Variants in DLGAP2 observed in about 807,000 individuals in gnomAD.
DLGAP2 encodes the protein DLG associated protein 2.
DLGAP2 carries 26 observed loss-of-function variants against 100.3 expected under a neutral mutation model. That is an observed-to-expected ratio of 0.26 (90% CI 0.19 to 0.36). The LOEUF (loss-of-function observed/expected upper bound fraction) is 0.36. DLGAP2 is among the 10% of genes least tolerant of loss of function. The probability of loss-of-function intolerance (pLI) is 1.00; values close to 1 mark genes in which losing one functional copy is unlikely to be tolerated. For missense variants in DLGAP2, 1,858 were observed against 1,453.2 expected (o/e 1.28, Z -4.53); for synonymous variants, 886 against 630.1 (o/e 1.41, Z -6.08).
At chr8:1,194,125 A>T (rs1392087255) in intron 2 of DLGAP2, among the ~76,000 whole-genome samples, 1 of 152,054 alleles carries the variant, frequency 6.6e-6, no homozygotes, top group African/African-American at 2.4e-5. Flanking sequence ...AAAATTAGAT[A>T]AAGTGAGTAA....
Position 1,615,970 on chromosome 8 carries a change from T to A in DLGAP2, c.1443-10770T>A, listed in dbSNP as rs115918490. Among the ~76,000 whole-genome samples the A allele has an allele frequency of 3.2e-3, 492 of 152,326 alleles. 4 individuals are homozygous for A. Among genetic ancestry groups the A allele is most frequent in the African/African-American group, 0.011 (439 of 41,566 alleles). On this transcript the variant is annotated intron_variant, in intron 6 of 14. Transcript: ENST00000637795. ...TTAAAGCAGCCGTTGTAAGGTCTTATGAATGATATAAAAATGTCTGTTACA... is the reference window on the plus strand; with the variant it reads ...TTAAAGCAGCCGTTGTAAGGTCTTAAGAATGATATAAAAATGTCTGTTACA...
intron 2 of DLGAP2, among the ~76,000 whole-genome samples, chr8:1,188,707 A>G (rs957490686): frequency 6.6e-6 from 1 of 152,248 alleles, no homozygotes; most frequent in African/African-American, 2.4e-5. Flanking sequence ...CTTTTTGGCA[A>G]GCAGATGAAC....
At chr8:1,489,458 A>T (rs1799315817) in intron 3 of DLGAP2, among the ~76,000 whole-genome samples, 1 of 152,216 alleles carries the variant, frequency 6.6e-6, no homozygotes, top group Non-Finnish European at 1.5e-5. Flanking sequence ...TAGAGGAAGA[A>T]GGAAGGAAGC....
chr8:1,585,013 A>T (rs1306376556), intron 6 of DLGAP2, among the ~76,000 whole-genome samples: 1 of 141,556 alleles, frequency 7.1e-6, no homozygotes, highest in Admixed American at 7.0e-5. Flanking sequence ...AAAAACTTCC[A>T]TTTTTAAATT....
At chr8:1,086,372 T>C (rs967188214) in intron 2 of DLGAP2, among the ~76,000 whole-genome samples, 1 of 152,188 alleles carries the variant, frequency 6.6e-6, no homozygotes, top group Non-Finnish European at 1.5e-5. Flanking sequence ...CTTTTCTACA[T>C]TGAGAGTATG....
chr8:785,051 C>A lies in DLGAP2; in HGVS notation c.18+47226C>A, dbSNP rs534006248. 2.6e-5 allele frequency among the ~76,000 whole-genome samples: 4 copies of A among 151,628 alleles called. No individual in the cohort carries two copies. In the East Asian group the frequency reaches 7.8e-4, roughly 30 times the overall value. On this transcript the variant is annotated intron_variant, in intron 1 of 14. Transcript: ENST00000637795. ...TGAAACCCCCTCTCTACTAAAAATA[C>A]AAAACAATACAAAACATTAGCCGGG...
chr8:1,636,523 G>T (rs999359204), intron 8 of DLGAP2, among the ~76,000 whole-genome samples: 17 of 152,128 alleles, frequency 1.1e-4, no homozygotes, highest in Non-Finnish European at 1.9e-4. Flanking sequence ...TATGATTTTT[G>T]TTGCTTTTTT....
Position 1,263,303 on chromosome 8 carries a change from G to T in DLGAP2, c.106+4420G>T, listed in dbSNP as rs7823268. Among the ~76,000 whole-genome samples the T allele has an allele frequency of 1.5e-3, 232 of 152,024 alleles. 1 individual carries two copies. The highest frequency in any genetic ancestry group is 2.8e-3 in the Non-Finnish European group (188 of 67,996). Reference sequence around the variant, plus strand: ...GTCTTAAAAAAACTAAGTAGTTTAAGGTAAGAGATTTTCTTTCTAAATCTG... The same window carrying T: ...GTCTTAAAAAAACTAAGTAGTTTAATGTAAGAGATTTTCTTTCTAAATCTG... On this transcript the variant is annotated intron_variant, in intron 3 of 14. Coordinates refer to ENST00000637795, the MANE Select transcript of DLGAP2 (RefSeq NM_001346810.2).
chr8:1,694,293 G>A (rs990325086), intron 13 of DLGAP2, among the ~76,000 whole-genome samples: 9 of 152,128 alleles, frequency 5.9e-5, no homozygotes, highest in African/African-American at 9.7e-5. Flanking sequence ...GAGATGCTTC[G>A]CTCATCAAAG....
chr8:982,727 A>G (rs542285134), intron 2 of DLGAP2, among the ~76,000 whole-genome samples: 22 of 152,264 alleles, frequency 1.4e-4, no homozygotes, highest in African/African-American at 5.1e-4. Context: ...GACCTAACCA[A>G]TAAGTCTCTG....
At chr8:870,419 A>C (rs551558542) in intron 1 of DLGAP2, among the ~76,000 whole-genome samples, 1 of 151,924 alleles carries the variant, frequency 6.6e-6, no homozygotes, top group African/African-American at 2.4e-5. Flanking sequence ...GCCCTTGAAG[A>C]CTCACTGCTT....
At chr8:1,640,297 C>A (rs1797866331) in intron 8 of DLGAP2, among the ~76,000 whole-genome samples, 1 of 146,710 alleles carries the variant, frequency 6.8e-6, no homozygotes, top group Non-Finnish European at 1.5e-5. Context: ...GGTGTGCTGC[C>A]CCGTGGGTCC....
chr8:1,575,565 C>G (rs931686745), intron 6 of DLGAP2, among the ~76,000 whole-genome samples: 26 of 149,220 alleles, frequency 1.7e-4, no homozygotes, highest in Non-Finnish European at 8.9e-5. Flanking sequence ...GTGTGCTGTA[C>G]CCATTAACTC....
chr8:1,262,463 A>T (rs1348190017), intron 3 of DLGAP2: 1 of 152,180 alleles, frequency 6.6e-6, no homozygotes, highest in East Asian at 1.9e-4. Context: ...GTGGCGTGAA[A>T]ATGGAGCGGC....
rs185655544 is a variant in DLGAP2 at position 771,294 on chromosome 8, G to A, written c.18+33469G>A. On this transcript the variant is annotated intron_variant, in intron 1 of 14. Transcript: ENST00000637795. ...ATGAGTTTTAATGCAAACGTGCTGTGCAGAGGCATTTTGTAAAAGGATCGA... is the reference window on the plus strand; with the variant it reads ...ATGAGTTTTAATGCAAACGTGCTGTACAGAGGCATTTTGTAAAAGGATCGA... Among the ~76,000 whole-genome samples the A allele has an allele frequency of 5.0e-3, 767 of 152,324 alleles. 6 individuals carry two copies. Among genetic ancestry groups the A allele is most frequent in the Admixed American group, 0.012 (177 of 15,308 alleles).
chr8:1,605,609 TG>T (rs1796772033), intron 6 of DLGAP2, among the ~76,000 whole-genome samples: 1 of 152,152 alleles, frequency 6.6e-6, no homozygotes. Context: ...TTTTATACCC[TG>T]CCCCTTTCCA....
At chr8:770,592 T>C (rs1821330721) in intron 1 of DLGAP2, among the ~76,000 whole-genome samples, 1 of 152,158 alleles carries the variant, frequency 6.6e-6, no homozygotes, top group Admixed American at 6.5e-5. Flanking sequence ...TTCTGTGGGC[T>C]CCGAACAATT....
intron 3 of DLGAP2, among the ~76,000 whole-genome samples, chr8:1,436,162 G>A (rs1305729989): frequency 6.6e-6 from 1 of 152,208 alleles, no homozygotes; most frequent in African/African-American, 2.4e-5. Context: ...CAAGCCGTCT[G>A]CAAGCTGAGG....
Position 1,240,785 on chromosome 8 carries a change from C to T in DLGAP2, c.74-18066C>T, listed in dbSNP as rs1260772241. On this transcript the variant is annotated intron_variant, in intron 2 of 14. Transcript: ENST00000637795. ...CGTGTCTAGTTGTCTCACATGGTGC[C>T]GTTTCTAGTTCTTTCACATGGCGCC... Among the ~76,000 whole-genome samples, 39 of 9,562 alleles carry T rather than the reference C, an allele frequency of 4.1e-3. 8 individuals carry two copies. Among genetic ancestry groups the T allele is most frequent in the African/African-American group, 0.023 (35 of 1,536 alleles). The allele number at this position is 9,562 out of a possible 152,430, so 6.3% of individuals were successfully genotyped here. A position where few individuals can be genotyped will look rare whatever the true frequency, so the allele number is the denominator to read the frequency against.
Sources: allele counts gnomAD v4.1 joint callset (sites outside exome capture counted in the v4.1 genomes callset), GRCh38; gene constraint gnomAD v4.1.1; transcripts MANE v1.5; gene names NCBI Gene and HGNC (gene_info 2026-07-23, HGNC 2026-07-21).